The following SEC24B variants were observed in gnomAD, a reference collection of about 807,000 sequenced individuals.
SEC24B encodes the protein SEC24 homolog B, COPII component.
SEC24B carries 45 observed loss-of-function variants against 142.8 expected under a neutral mutation model. The observed-to-expected ratio is 0.32, with a 90% CI of 0.25 to 0.40. The LOEUF is 0.40. SEC24B is among the 10% of genes least tolerant of loss of function. SEC24B has a pLI of 1.00. For missense variants in SEC24B, 1,409 were observed against 1,526.8 expected (o/e 0.92, Z 1.29); for synonymous variants, 574 against 568.2 (o/e 1.01, Z -0.15).
In SEC24B at chr4:109,511,730, A is replaced by G. The variant is rs78595591; in HGVS notation, c.1777-227A>G. 0.02 allele frequency among the ~76,000 whole-genome samples: 3,032 copies of G among 152,256 alleles called. 99 individuals are homozygous for G. Among genetic ancestry groups the G allele is most frequent in the African/African-American group, 0.069 (2,872 of 41,534 alleles). On this transcript the variant is annotated intron_variant, in intron 8 of 23. Coordinates refer to ENST00000265175, the MANE Select transcript of SEC24B (RefSeq NM_006323.5). ...CTCACTTACATTATTTTCTTGGCCA[A>G]TGTTTGTTATGACTTTATTTTAGTG...
chr4:109,453,914 A>G (rs1326336484), intron 1 of SEC24B, among the ~76,000 whole-genome samples: 2 of 152,058 alleles, frequency 1.3e-5, no homozygotes, highest in East Asian at 1.9e-4. Context: ...CTGGAGTGCA[A>G]TGGCGTGATC....
chr4:109,491,265 A>G (rs1227073909), intron 4 of SEC24B, 62 bp from the exon 5 acceptor site: 26 of 1,341,292 alleles, frequency 1.9e-5, no homozygotes, highest in Non-Finnish European at 1.7e-5. Flanking sequence ...CAAAATTGCC[A>G]AAGGCTGCTT....
At chr4:109,501,493 T>C (rs1158918808) in intron 6 of SEC24B, among the ~76,000 whole-genome samples, 1 of 152,242 alleles carries the variant, frequency 6.6e-6, no homozygotes, top group African/African-American at 2.4e-5. Flanking sequence ...TTTTGTGAGA[T>C]GAAGTCTCAC....
At chr4:109,450,134 G>C (rs1729909492) in intron 1 of SEC24B, among the ~76,000 whole-genome samples, 1 of 152,058 alleles carries the variant, frequency 6.6e-6, no homozygotes, top group South Asian at 2.1e-4. Context: ...GTTCACTTGA[G>C]CCCAGGGCTT....
intron 4 of SEC24B, 114 bp from the exon 5 acceptor site, chr4:109,491,213 C>T (rs939048533): frequency 2.1e-5 from 15 of 709,334 alleles, no homozygotes; most frequent in Non-Finnish European, 2.9e-5. Context: ...TACTTTTTTA[C>T]TAGAATCAGG....
chr4:109,525,505 G>T lies in SEC24B; in HGVS notation c.2791+1G>T. The stretch of plus-strand genomic sequence containing the variant: ...GTTATGAGAATAAGGTGTACTAAAG[G>T]TATGAAGTTGTAAAAGTTATATTTT... On this transcript the variant is annotated splice_donor_variant, in intron 16 of 23. Coordinates refer to ENST00000265175, the MANE Select transcript of SEC24B (RefSeq NM_006323.5). LOFTEE classifies it high-confidence loss of function. 6.3e-7 allele frequency: 1 copy of T among 1,583,240 alleles called. No homozygotes were observed. Among genetic ancestry groups the T allele is most frequent in the South Asian group, 1.2e-5 (1 of 85,508 alleles).
At chr4:109,448,519 G>A (rs560751370) in intron 1 of SEC24B, among the ~76,000 whole-genome samples, 29 of 145,232 alleles carry the variant, frequency 2.0e-4, no homozygotes, top group African/African-American at 7.1e-4. Context: ...TTTTTTTTTT[G>A]AGCCTCCCAG....
chr4:109,456,580 A>G (rs1464945416), intron 1 of SEC24B, among the ~76,000 whole-genome samples: 1 of 152,074 alleles, frequency 6.6e-6, no homozygotes, highest in Non-Finnish European at 1.5e-5. Flanking sequence ...TTCTCTTCCT[A>G]GTTTATTGAG....
chr4:109,462,779 A>G (rs926283615), intron 1 of SEC24B, 122 bp from the exon 2 acceptor site: 3 of 792,400 alleles, frequency 3.8e-6, no homozygotes, highest in Admixed American at 2.6e-5. Context: ...ATAACAGTGT[A>G]TACCTTTTGT....
chr4:109,511,811 G>T, intron 8 of SEC24B, 146 bp from the exon 9 acceptor site: 1 of 728,750 alleles, frequency 1.4e-6, no homozygotes, highest in South Asian at 2.3e-5. Context: ...TGCTCAACAT[G>T]TCCCTGGATT....
At chr4:109,493,145 C>T (rs561999349) in intron 5 of SEC24B, among the ~76,000 whole-genome samples, 1 of 152,162 alleles carries the variant, frequency 6.6e-6, no homozygotes, top group South Asian at 2.1e-4. Context: ...TGTTGAAGGT[C>T]TTATCCTTTT....
intron 14 of SEC24B, 28 bp downstream of exon 14, chr4:109,521,654 T>C (rs772534042): frequency 1.4e-6 from 2 of 1,448,024 alleles, no homozygotes; most frequent in Non-Finnish European, 1.9e-6. Flanking sequence ...TTTTGTCATA[T>C]TCAAGATTGT....
chr4:109,519,141 G>T (rs1299655022), intron 11 of SEC24B, among the ~76,000 whole-genome samples: 1 of 152,076 alleles, frequency 6.6e-6, no homozygotes, highest in Non-Finnish European at 1.5e-5. Context: ...CCCCAAGAGG[G>T]TACACCATTC....
rs541676007 is a variant in SEC24B at position 109,495,673 on chromosome 4, T to C, written c.1488+817T>C. 3.6e-4 allele frequency among the ~76,000 whole-genome samples: 55 copies of C among 152,280 alleles called. No individual in the cohort carries two copies. The South Asian group carries it at 0.011, about 32-fold the overall frequency. ...GGCTGGTTGCCCTACCCTAATCTTA[T>C]TATGCAAATGAATTATCTTTGGCCA... On this transcript the variant is annotated intron_variant, in intron 6 of 23. Transcript: ENST00000265175.
Position 109,516,530 on chromosome 4 carries a change from G to T in SEC24B, c.2016G>T (p.Leu672=). ...VEFIASSDYM[L]RPPQPAVYLF... ...TACTTTATTTTTATTCCTTTCAGCT[G>T]CGTCCTCCTCAACCTGCAGTTTACT... Residue 672 remains leucine (L), a splice_region_variant and synonymous_variant, in exon 11 of 24, where the codon CTG becomes CTT. Transcript: ENST00000265175. 6.3e-7 allele frequency: 1 copy of T among 1,599,572 alleles called. No homozygotes were observed. The highest frequency in any genetic ancestry group is 1.7e-4 in the Middle Eastern group (1 of 6,014).
At chr4:109,499,935 G>T (rs1360728021) in intron 6 of SEC24B, among the ~76,000 whole-genome samples, 2 of 152,164 alleles carry the variant, frequency 1.3e-5, no homozygotes, top group Non-Finnish European at 2.9e-5. Flanking sequence ...AGAAGGCATT[G>T]TTATCACAGG....
intron 5 of SEC24B, among the ~76,000 whole-genome samples, chr4:109,493,376 G>GA (rs1300777667): frequency 1.3e-5 from 2 of 152,142 alleles, no homozygotes; most frequent in Non-Finnish European, 2.9e-5. Context: ...GAACTAAAAT[G>GA]AATGCACATT....
intron 11 of SEC24B, among the ~76,000 whole-genome samples, chr4:109,517,371 T>TAA (rs1168237960): frequency 6.6e-6 from 1 of 152,160 alleles, no homozygotes; most frequent in Non-Finnish European, 1.5e-5. Flanking sequence ...TCAGAACAGA[T>TAA]ATTGCGTGTT....
chr4:109,476,473 G>A (rs1050439054), intron 3 of SEC24B, among the ~76,000 whole-genome samples: 10 of 135,258 alleles, frequency 7.4e-5, no homozygotes, highest in African/African-American at 3.9e-4. Flanking sequence ...ATATGATAAT[G>A]TTCAGATAAA....
Sources: gnomAD v4.1 joint callset for allele counts (sites outside exome capture counted in the v4.1 genomes callset) on GRCh38, gnomAD v4.1.1 for gene constraint, MANE v1.5 for transcripts, NCBI Gene and HGNC (gene_info 2026-07-23, HGNC 2026-07-21) for gene names.